KCNMA1: variants seen among roughly 807,000 people sequenced by gnomAD.
The protein encoded by KCNMA1 is potassium calcium-activated channel subfamily M alpha 1, also known as Calcium-activated potassium channel subunit alpha-1.
In KCNMA1, 29 loss-of-function variants were observed where a neutral mutation model predicts 140.0. That is an observed-to-expected ratio of 0.21 (90% confidence interval 0.15 to 0.28). The LOEUF (loss-of-function observed/expected upper bound fraction) is 0.28, where lower values mean the gene tolerates loss of function less well. Ranked by LOEUF, KCNMA1 falls within the 10% of genes least tolerant of loss-of-function variation. KCNMA1 has a pLI of 1.00. For synonymous variants in KCNMA1, 612 were observed against 611.9 expected, an observed-to-expected ratio of 1.00 and a Z score of 0.00; for missense variants, 880 against 1,602.2, an observed-to-expected ratio of 0.55 and a Z score of 7.70.
intron 2 of KCNMA1, among the ~76,000 whole-genome samples, chr10:77,397,728 T>C (rs287202): frequency 0.29 from 44,252 of 152,014 alleles, 6,483 homozygotes; most frequent in Middle Eastern, 0.41. Flanking sequence ...ATAGCGTGCA[T>C]TGCAACCATT....
At chr10:76,960,631 T>A (rs970891369) in intron 20 of KCNMA1, among the ~76,000 whole-genome samples, 1 of 148,582 alleles carries the variant, frequency 6.7e-6, no homozygotes, top group Non-Finnish European at 1.5e-5. Flanking sequence ...TTTTTTTTTT[T>A]TTTTTTTTTT....
In KCNMA1 at chr10:77,138,413, T is replaced by C. The variant is rs963825041; in HGVS notation, c.809-17365A>G. Among the ~76,000 whole-genome samples, 15 of 152,202 alleles carry C rather than the reference T, an allele frequency of 9.9e-5. No individual in the cohort carries two copies. In the East Asian group the frequency reaches 2.9e-3, roughly 29 times the overall value. On this transcript the variant is annotated intron_variant, in intron 5 of 27. Coordinates refer to ENST00000286628, the MANE Select transcript of KCNMA1 (RefSeq NM_001161352.2). Reference sequence around the variant, plus strand: ...TGCTGGGATTATAGGCATAAGCCATTTTGCCTGGTCTGACTTTACATCTTA... The same window carrying C: ...TGCTGGGATTATAGGCATAAGCCATCTTGCCTGGTCTGACTTTACATCTTA...
intron 2 of KCNMA1, among the ~76,000 whole-genome samples, chr10:77,365,384 T>C (rs779032895): frequency 1.3e-5 from 2 of 152,214 alleles, no homozygotes; most frequent in Non-Finnish European, 2.9e-5. Flanking sequence ...GAGGCTTTAG[T>C]TGACTTCTTC....
chr10:76,929,368 GC>G (rs1436200172), intron 23 of KCNMA1, among the ~76,000 whole-genome samples: 1 of 152,000 alleles, frequency 6.6e-6, no homozygotes. Flanking sequence ...AATTGTTTGT[GC>G]CCACCTGCCT....
intron 5 of KCNMA1, among the ~76,000 whole-genome samples, chr10:77,180,131 A>T (rs1376017270): frequency 2.6e-5 from 4 of 152,212 alleles, no homozygotes; most frequent in African/African-American, 9.6e-5. Flanking sequence ...GTGCAGGAGA[A>T]TGGGGATAGA....
At chr10:77,324,645 C>G (rs2083350708) in intron 2 of KCNMA1, among the ~76,000 whole-genome samples, 4 of 152,128 alleles carry the variant, frequency 2.6e-5, no homozygotes, top group Admixed American at 2.0e-4. Flanking sequence ...CCATAATTCT[C>G]CAACCTTAGC....
intron 1 of KCNMA1, among the ~76,000 whole-genome samples, chr10:77,605,678 G>A (rs993783052): frequency 6.6e-6 from 1 of 152,210 alleles, no homozygotes; most frequent in Non-Finnish European, 1.5e-5. Flanking sequence ...AGTTGAGGGA[G>A]GTGACAGGGC....
At chr10:77,530,499 A>C (rs2057337480) in intron 1 of KCNMA1, among the ~76,000 whole-genome samples, 1 of 152,226 alleles carries the variant, frequency 6.6e-6, no homozygotes, top group Non-Finnish European at 1.5e-5. Context: ...ATCTAGAAAA[A>C]GTGGCCATCT....
At chr10:77,270,916 A>G (rs1487737003) in intron 2 of KCNMA1, among the ~76,000 whole-genome samples, 2 of 152,188 alleles carry the variant, frequency 1.3e-5, no homozygotes, top group African/African-American at 4.8e-5. Flanking sequence ...AAAAAAAGAA[A>G]CATATAATAT....
chr10:77,111,937 G>A (rs936250365), intron 7 of KCNMA1, among the ~76,000 whole-genome samples: 1 of 152,192 alleles, frequency 6.6e-6, no homozygotes, highest in Non-Finnish European at 1.5e-5. Context: ...AATAATCAAA[G>A]GTGGCTTTTC....
intron 20 of KCNMA1, among the ~76,000 whole-genome samples, chr10:76,967,530 G>A (rs191312926): frequency 5.1e-4 from 77 of 152,312 alleles, no homozygotes; most frequent in Non-Finnish European, 1.0e-3. Flanking sequence ...TAAACTGGAA[G>A]TCAAGGGATA....
At chr10:77,412,004 G>A (rs1351549297) in intron 1 of KCNMA1, among the ~76,000 whole-genome samples, 1 of 152,198 alleles carries the variant, frequency 6.6e-6, no homozygotes, top group African/African-American at 2.4e-5. Flanking sequence ...AGCACTAAGA[G>A]GCTGAGCTCT....
Position 77,519,855 on chromosome 10 carries a change from G to C in KCNMA1, c.379-115832C>G, listed in dbSNP as rs145162546. 1.9e-4 allele frequency among the ~76,000 whole-genome samples: 29 copies of C among 151,524 alleles called. No individual in the cohort carries two copies. The East Asian group carries it at 5.4e-3, about 28-fold the overall frequency. Reference sequence around the variant, plus strand: ...TTGTTTGAGGGTATGCAGTGTGAGAGTATGCAGTGTGAGGGTATACATGAG... The same window carrying C: ...TTGTTTGAGGGTATGCAGTGTGAGACTATGCAGTGTGAGGGTATACATGAG... On this transcript the variant is annotated intron_variant, in intron 1 of 27. Transcript: ENST00000286628.
intron 1 of KCNMA1, among the ~76,000 whole-genome samples, chr10:77,512,508 A>C (rs1036870718): frequency 2.0e-5 from 3 of 152,182 alleles, no homozygotes; most frequent in African/African-American, 7.2e-5. Flanking sequence ...AGGAGAAAAC[A>C]CAGTATATAC....
rs181959990 is a variant in KCNMA1 at position 77,159,433 on chromosome 10, G to A, written c.808+23988C>T. 5.3e-5 allele frequency among the ~76,000 whole-genome samples: 8 copies of A among 152,180 alleles called. No individual in the cohort carries two copies. The East Asian group carries it at 1.2e-3, about 22-fold the overall frequency. On this transcript the variant is annotated intron_variant, in intron 5 of 27. Coordinates refer to ENST00000286628, the MANE Select transcript of KCNMA1 (RefSeq NM_001161352.2). ...GATGGGCTTATGTAGGGCTTTGAGT[G>A]AGCAAAGTTCCCAGAGCCACACCAT...
At chr10:77,626,741 G>A (rs901235087) in intron 1 of KCNMA1, among the ~76,000 whole-genome samples, 10 of 152,172 alleles carry the variant, frequency 6.6e-5, no homozygotes, top group Non-Finnish European at 1.0e-4. Flanking sequence ...CACAGGCCGC[G>A]TGCTATCAGT....
intron 2 of KCNMA1, among the ~76,000 whole-genome samples, chr10:77,313,688 C>T (rs192895669): frequency 6.6e-6 from 1 of 152,236 alleles, no homozygotes; most frequent in Admixed American, 6.5e-5. Context: ...GTCTTATTTA[C>T]CTTATATCAA....
chr10:76,958,728 C>A (rs1382702828), intron 20 of KCNMA1, among the ~76,000 whole-genome samples: 1 of 152,102 alleles, frequency 6.6e-6, no homozygotes, highest in African/African-American at 2.4e-5. Flanking sequence ...GAAGAGAGGC[C>A]TGAAACAGAT....
At chr10:77,233,158 A>G (rs2054188862) in intron 3 of KCNMA1, among the ~76,000 whole-genome samples, 1 of 152,224 alleles carries the variant, frequency 6.6e-6, no homozygotes. Flanking sequence ...TGGTCTTGGT[A>G]TTATTCTCAA....
Sources: allele counts gnomAD v4.1 joint callset (sites outside exome capture counted in the v4.1 genomes callset), GRCh38; gene constraint gnomAD v4.1.1; transcripts MANE v1.5; gene names NCBI Gene and HGNC (gene_info 2026-07-23, HGNC 2026-07-21).